The following ATG7 variants were observed in gnomAD, a reference collection of about 807,000 sequenced individuals.
The protein encoded by ATG7 is autophagy related 7.
In ATG7, 70 loss-of-function variants were observed where a neutral mutation model predicts 82.4. The observed-to-expected ratio is 0.85, with a 90% CI of 0.70 to 1.04. The LOEUF is 1.04. Among genes scored for constraint, ATG7 ranks in the 50% least tolerant of loss-of-function variants. ATG7 has a pLI of 0.00. For missense variants in ATG7, 792 were observed against 864.3 expected, an observed-to-expected ratio of 0.92 and a Z score of 1.05; for synonymous variants, 287 against 313.0, an observed-to-expected ratio of 0.92 and a Z score of 0.88.
At chr3:11,346,156 T>G (rs1954509359) in intron 13 of ATG7, among the ~76,000 whole-genome samples, 1 of 152,192 alleles carries the variant, frequency 6.6e-6, no homozygotes, top group Non-Finnish European at 1.5e-5. Flanking sequence ...CAGGACTGCA[T>G]GAGTTCACTG....
chr3:11,565,353 G>C, the ATG7 span, among the ~76,000 whole-genome samples: 3 of 152,176 alleles, frequency 2.0e-5, no homozygotes, highest in Non-Finnish European at 2.9e-5. This position sits in a 1 kb window ranked among gnomAD's most constrained non-coding sequence, Gnocchi z 4.1. Flanking sequence ...AAGCTGGTTC[G>C]ATAAGGACCT....
chr3:11,273,490 T>A (rs1204603019), intron 1 of ATG7, among the ~76,000 whole-genome samples: 1 of 152,192 alleles, frequency 6.6e-6, no homozygotes, highest in Non-Finnish European at 1.5e-5. Context: ...AAGCTGCTAG[T>A]TTGTCTTCCT....
At chr3:11,419,753 A>G (rs1559583385) in intron 19 of ATG7, among the ~76,000 whole-genome samples, 1 of 152,196 alleles carries the variant, frequency 6.6e-6, no homozygotes, top group Non-Finnish European at 1.5e-5. Context: ...AGGAGTCACC[A>G]AAGTGTCTTA....
chr3:11,571,724 G>A, the ATG7 span, among the ~76,000 whole-genome samples: 2 of 152,272 alleles, frequency 1.3e-5, no homozygotes, highest in East Asian at 3.9e-4. Flanking sequence ...TGCTGGTTCA[G>A]ATTTCAGAAA....
the ATG7 span, among the ~76,000 whole-genome samples, chr3:11,575,424 C>A: frequency 1.3e-5 from 2 of 152,206 alleles, no homozygotes; most frequent in Non-Finnish European, 2.9e-5. Context: ...CCTCCAGCAG[C>A]TCAGCTGGAA....
intron 19 of ATG7, among the ~76,000 whole-genome samples, chr3:11,407,057 A>G (rs2080412780): frequency 6.6e-6 from 1 of 152,252 alleles, no homozygotes; most frequent in African/African-American, 2.4e-5. Context: ...TTCTGAGACA[A>G]GGCAAGTCCC....
chr3:11,297,862 A>G (rs540174838), intron 3 of ATG7, among the ~76,000 whole-genome samples: 1 of 152,302 alleles, frequency 6.6e-6, no homozygotes, highest in Admixed American at 6.5e-5. Context: ...ACCACACAAG[A>G]TGGCAAAAAT....
intron 20 of ATG7, among the ~76,000 whole-genome samples, chr3:11,533,332 T>C (rs59437352): frequency 0.012 from 1,900 of 152,290 alleles, 43 homozygotes; most frequent in African/African-American, 0.043. Flanking sequence ...ATTTATATGG[T>C]AAACCTCCTC....
rs940781539 is a variant in ATG7 at position 11,518,558 on chromosome 3, G to GA, written c.2080-36243dup. Among the ~76,000 whole-genome samples the GA allele has an allele frequency of 6.1e-3, 885 of 144,896 alleles. 7 individuals carry two copies. The highest frequency in any genetic ancestry group is 0.018 in the African/African-American group (702 of 39,624). On this transcript the variant is annotated intron_variant, in intron 20 of 20. Transcript: ENST00000693202. ...GAGACACCCTCTCAAAAAAAAAAAA[G>GA]AAAAAAAAAACCTGAGACAAAACAA...
At chr3:11,512,136 A>G (rs535358249) in intron 20 of ATG7, among the ~76,000 whole-genome samples, 1 of 152,296 alleles carries the variant, frequency 6.6e-6, no homozygotes. Context: ...GGCTCTGAGG[A>G]CTGCCAGCAT....
chr3:11,414,847 A>T (rs1222347054), intron 19 of ATG7, among the ~76,000 whole-genome samples: 2 of 152,176 alleles, frequency 1.3e-5, no homozygotes, highest in Non-Finnish European at 2.9e-5. Flanking sequence ...TATGGATGTG[A>T]TGGTTTATAT....
At chr3:11,376,890 T>C (rs2077456026) in intron 18 of ATG7, among the ~76,000 whole-genome samples, 1 of 152,150 alleles carries the variant, frequency 6.6e-6, no homozygotes, top group South Asian at 2.1e-4. Context: ...AGGTGCCGAC[T>C]ACCACGCCCA....
At chr3:11,359,240 A>C (rs2606735) in intron 15 of ATG7, among the ~76,000 whole-genome samples, 97,195 of 151,818 alleles carry the variant, frequency 0.64, 31,309 homozygotes, top group East Asian at 0.68. Context: ...TAAAAAATAC[A>C]CCAAACTATT....
In ATG7 at chr3:11,411,400, C is replaced by T. The variant is rs188613816; in HGVS notation, c.1957-15404C>T. ...CAGCACTTTGGGAGCCCAAGGTGGG[C>T]GGATCATGAGGTCAAGAGATGGAGA... On this transcript the variant is annotated intron_variant, in intron 19 of 20. Coordinates refer to ENST00000693202, the MANE Select transcript of ATG7 (RefSeq NM_001349232.2). 2.6e-4 allele frequency among the ~76,000 whole-genome samples: 39 copies of T among 151,926 alleles called. No homozygotes were observed. In the East Asian group the frequency reaches 4.7e-3, roughly 18 times the overall value.
intron 20 of ATG7, among the ~76,000 whole-genome samples, chr3:11,502,263 G>A (rs1481196679): frequency 2.7e-5 from 4 of 148,828 alleles, no homozygotes; most frequent in South Asian, 2.2e-4. Context: ...TAGGGTACAC[G>A]TGCACATTGT....
intron 20 of ATG7, among the ~76,000 whole-genome samples, chr3:11,429,754 C>T (rs1294199783): frequency 6.6e-6 from 1 of 152,074 alleles, no homozygotes; most frequent in Non-Finnish European, 1.5e-5. Flanking sequence ...TTGAGACCAG[C>T]CTGGGCAACA....
At chr3:11,505,824 G>A (rs1485523075) in intron 20 of ATG7, among the ~76,000 whole-genome samples, 1 of 152,214 alleles carries the variant, frequency 6.6e-6, no homozygotes, top group East Asian at 1.9e-4. Context: ...CTCGCCATTG[G>A]TCTTTTGCAG....
chr3:11,477,778 A>G (rs1258555480), intron 20 of ATG7, among the ~76,000 whole-genome samples: 1 of 152,204 alleles, frequency 6.6e-6, no homozygotes, highest in Non-Finnish European at 1.5e-5. Flanking sequence ...GGAACTGGGA[A>G]TCAGTACAGC....
intron 14 of ATG7, chr3:11,348,310 G>T (rs1954888854): frequency 2.7e-6 from 1 of 366,898 alleles, no homozygotes; most frequent in Non-Finnish European, 5.0e-6. Context: ...TGAAGCCGCG[G>T]ACCTTCGCAG....
Sources: gnomAD v4.1 joint callset for allele counts (sites outside exome capture counted in the v4.1 genomes callset) on GRCh38, gnomAD v4.1.1 for gene constraint, Gnocchi (gnomAD v3.1) non-coding constraint, MANE v1.5 for transcripts, NCBI Gene and HGNC (gene_info 2026-07-23, HGNC 2026-07-21) for gene names.